Variants in CCL11 observed in about 807,000 individuals in gnomAD.
CCL11 encodes the protein C-C motif chemokine ligand 11.
CCL11 carries 7 observed loss-of-function variants against 7.3 expected under a neutral mutation model. That is an observed-to-expected ratio of 0.96 (90% CI 0.55 to 1.81). The LOEUF (loss-of-function observed/expected upper bound fraction) is 1.81, where lower values mean the gene tolerates loss of function less well. Ranked by LOEUF, CCL11 falls within the 40% of genes most tolerant of loss-of-function variation. CCL11 has a pLI of 0.00. For synonymous variants in CCL11, 66 were observed against 45.2 expected, an observed-to-expected ratio of 1.46 and a Z score of -1.84; for missense variants, 132 against 114.2, an observed-to-expected ratio of 1.16 and a Z score of -0.71.
chr17:34,285,849 C>T lies in CCL11; in HGVS notation c.41C>T (p.Ala14Val). 1 of 1,612,590 alleles carries T rather than the reference C, an allele frequency of 6.2e-7. No individual in the cohort carries two copies. The highest frequency in any genetic ancestry group is 1.1e-5 in the South Asian group (1 of 90,834). The change falls in exon 1 of 3, where the codon GCA (alanine) becomes GTA (valine). Residue 14 changes from alanine (A) to valine (V), a missense_variant. Ala to Val is a moderately conservative substitution (Grantham distance 64). Coordinates refer to ENST00000305869, the MANE Select transcript of CCL11 (RefSeq NM_002986.3). ...SAALLWLLLI[A>V]AAFSPQGLAG... ...GCACTTCTGTGGCTGCTGCTCATAGCAGCTGCCTTCAGCCCCCAGGGGCTC... is the reference window on the plus strand; with the variant it reads ...GCACTTCTGTGGCTGCTGCTCATAGTAGCTGCCTTCAGCCCCCAGGGGCTC...
In CCL11 at chr17:34,287,632, A is replaced by T. The variant is rs751231849; in HGVS notation, c.236A>T (p.Lys79Met). Reference protein sequence around the residue: ...AKDICADPKKKWVQDSMKYLD... With the variant: ...AKDICADPKKMWVQDSMKYLD... ...GATATCTGTGCCGACCCCAAGAAGAAGTGGGTGCAGGATTCCATGAAGTAT... is the reference window on the plus strand; with the variant it reads ...GATATCTGTGCCGACCCCAAGAAGATGTGGGTGCAGGATTCCATGAAGTAT... The change falls in exon 3 of 3, where the codon AAG becomes ATG. Residue 79 changes from lysine (K) to methionine (M), a missense_variant. Physicochemically the swap from Lys to Met is moderately conservative, Grantham distance 95. Transcript: ENST00000305869. The T allele has an allele frequency of 6.2e-7, 1 of 1,614,026 alleles. No individual in the cohort carries two copies. Among genetic ancestry groups the T allele is most frequent in the Non-Finnish European group, 8.5e-7 (1 of 1,179,976 alleles).
chr17:34,287,029 G>C (rs1367278062), intron 1 of CCL11, 67 bp from the exon 2 acceptor site: 7 of 1,035,708 alleles, frequency 6.8e-6, no homozygotes, highest in Middle Eastern at 4.1e-4. Flanking sequence ...AGTCATGCTT[G>C]GAAATGTCTA....
At chr17:34,287,293 T>G (rs1409240134) in intron 2 of CCL11, 86 bp downstream of exon 2, 5 of 950,762 alleles carry the variant, frequency 5.3e-6, no homozygotes, top group Non-Finnish European at 8.4e-6. Flanking sequence ...TTGCTGGGAG[T>G]CATAGACTCT....
At chr17:34,285,975 C>T in intron 1 of CCL11, 91 bp downstream of exon 1, 1 of 844,516 alleles carries the variant, frequency 1.2e-6, no homozygotes, top group South Asian at 1.7e-5. Flanking sequence ...ACTGCAAATT[C>T]TCCATTTGAA....
Position 34,287,597 on chromosome 17 carries a change from A to T in CCL11, c.201A>T (p.Lys67Asn), listed in dbSNP as rs1908674017. 2 of 1,613,382 alleles carry T rather than the reference A, an allele frequency of 1.2e-6. No homozygotes were observed. The highest frequency in any genetic ancestry group is 1.7e-6 in the Non-Finnish European group (2 of 1,179,550). Residue 67 changes from lysine (K) to asparagine (N), a missense_variant, in exon 3 of 3, where the codon AAA becomes AAT. Coordinates refer to ENST00000305869, the MANE Select transcript of CCL11 (RefSeq NM_002986.3). ...CPQKAVIFKT[K>N]LAKDICADPK... ...GTATCTCCCACAGCTTCAAGACCAA[A>T]CTGGCCAAGGATATCTGTGCCGACC...
At chr17:34,286,357 C>G (rs924757733) in intron 1 of CCL11, among the ~76,000 whole-genome samples, 32 of 152,340 alleles carry the variant, frequency 2.1e-4, no homozygotes, top group African/African-American at 6.7e-4. Flanking sequence ...TGTTCCATAA[C>G]TCATTTTCCC....
At chr17:34,287,474 C>T (rs1567648473) in intron 2 of CCL11, 111 bp from the exon 3 acceptor site, 3 of 763,194 alleles carry the variant, frequency 3.9e-6, no homozygotes, top group South Asian at 3.2e-5. Context: ...CATCCTTCCT[C>T]CTCTCCGTAG....
In CCL11 at chr17:34,288,305, C is replaced by G. The variant is rs765800738; in HGVS notation, c.*615C>G. On this transcript the variant is annotated 3_prime_UTR_variant, in exon 3 of 3. Coordinates refer to ENST00000305869, the MANE Select transcript of CCL11 (RefSeq NM_002986.3). ...GGTGAAACTGACAAACCCATTCCAGCCCTCTATTCCCATTTTCAACAGTAT... is the reference window on the plus strand; with the variant it reads ...GGTGAAACTGACAAACCCATTCCAGGCCTCTATTCCCATTTTCAACAGTAT... 4 of 152,266 alleles carry G rather than the reference C, an allele frequency of 2.6e-5. No individual in the cohort carries two copies. The Middle Eastern group carries it at 0.01, about 388-fold the overall frequency. The allele number at this position is 152,266 out of a possible 1,614,324, so 9.4% of individuals were successfully genotyped here.
In CCL11 at chr17:34,285,814, G is replaced by A. The variant is rs758267172; in HGVS notation, c.6G>A (p.Lys2=). 2 of 1,612,006 alleles carry A rather than the reference G, an allele frequency of 1.2e-6. No individual in the cohort carries two copies. Among genetic ancestry groups the A allele is most frequent in the Admixed American group, 3.4e-5 (2 of 59,586 alleles). Residue 2 remains lysine (K), a synonymous_variant, in exon 1 of 3, where the codon AAG becomes AAA. Coordinates refer to ENST00000305869, the MANE Select transcript of CCL11 (RefSeq NM_002986.3). M[K]VSAALLWLLL... ...TCACACCTTCAGCCTCCAACATGAA[G>A]GTCTCCGCAGCACTTCTGTGGCTGC...
In CCL11 at chr17:34,288,317, A is replaced by G. The variant is rs1187297136; in HGVS notation, c.*627A>G. ...AAACCCATTCCAGCCCTCTATTCCC[A>G]TTTTCAACAGTATTTCCCAGACCCC... On this transcript the variant is annotated 3_prime_UTR_variant, in exon 3 of 3. Coordinates refer to ENST00000305869, the MANE Select transcript of CCL11 (RefSeq NM_002986.3). 1 of 152,070 alleles carries G rather than the reference A, an allele frequency of 6.6e-6. No homozygotes were observed. Among genetic ancestry groups the G allele is most frequent in the African/African-American group, 2.4e-5 (1 of 41,382 alleles). The allele number at this position is 152,070 out of a possible 1,614,324, so 9.4% of individuals were successfully genotyped here. A position where few individuals can be genotyped will look rare whatever the true frequency, so the allele number is the denominator to read the frequency against.
chr17:34,287,285 G>C, intron 2 of CCL11, 78 bp downstream of exon 2: 7 of 1,037,774 alleles, frequency 6.7e-6, no homozygotes, highest in Non-Finnish European at 1.0e-5. Flanking sequence ...TGTCACAGTT[G>C]CTGGGAGTCA....
Position 34,288,029 on chromosome 17 carries a change from CA to C in CCL11, c.*340del. ...TTGTAAAGGTCCTGGCAAAGATGATCAGTATGAAAATGTCATTGTTCTTGTG... is the reference window on the plus strand; with the variant it reads ...TTGTAAAGGTCCTGGCAAAGATGATCGTATGAAAATGTCATTGTTCTTGTG... On this transcript the variant is annotated 3_prime_UTR_variant, in exon 3 of 3. Coordinates refer to ENST00000305869, the MANE Select transcript of CCL11 (RefSeq NM_002986.3). 6.4e-6 allele frequency: 1 copy of C among 156,552 alleles called. No individual in the cohort carries two copies. Among genetic ancestry groups the C allele is most frequent in the East Asian group, 1.8e-4 (1 of 5,596 alleles). 9.7% of individuals were successfully genotyped at this position (156,552 alleles called of 1,614,324 possible).
Position 34,285,851 on chromosome 17 carries a change from G to T in CCL11, c.43G>T (p.Ala15Ser). Residue 15 changes from alanine (A) to serine (S), a missense_variant, in exon 1 of 3, where the codon GCT becomes TCT. By Grantham distance (99) the Ala-to-Ser change is moderately conservative. Coordinates refer to ENST00000305869, the MANE Select transcript of CCL11 (RefSeq NM_002986.3). ...AALLWLLLIA[A>S]AFSPQGLAGP... ...ACTTCTGTGGCTGCTGCTCATAGCA[G>T]CTGCCTTCAGCCCCCAGGGGCTCGC... 1.2e-6 allele frequency: 2 copies of T among 1,612,454 alleles called. No homozygotes were observed. The highest frequency in any genetic ancestry group is 1.7e-5 in the Admixed American group (1 of 59,834).
rs1231314263 is a variant in CCL11, at chr17:34,287,938, G to C, written c.*248G>C. 1 of 187,742 alleles carries C rather than the reference G, an allele frequency of 5.3e-6. No individual in the cohort carries two copies. The highest frequency in any genetic ancestry group is 1.1e-5 in the Non-Finnish European group (1 of 93,432). 11.6% of individuals were successfully genotyped at this position (187,742 alleles called of 1,614,324 possible). A position where few individuals can be genotyped will look rare whatever the true frequency, so the allele number is the denominator to read the frequency against. On this transcript the variant is annotated 3_prime_UTR_variant, in exon 3 of 3. Coordinates refer to ENST00000305869, the MANE Select transcript of CCL11 (RefSeq NM_002986.3). ...TGTGCAGATTCTTTACCCCCTGGGA[G>C]CCCCAATTCGATCCCCTGTCACGTG...
In CCL11 at chr17:34,287,661, G is replaced by C; in HGVS notation, c.265G>C (p.Asp89His). 1 of 1,613,426 alleles carries C rather than the reference G, an allele frequency of 6.2e-7. No individual in the cohort carries two copies. The highest frequency in any genetic ancestry group is 8.5e-7 in the Non-Finnish European group (1 of 1,179,626). Residue 89 changes from aspartate to histidine, a missense_variant, in exon 3 of 3, where the codon GAC becomes CAC. Physicochemically the swap from Asp to His is moderately conservative, Grantham distance 81. Coordinates refer to ENST00000305869, the MANE Select transcript of CCL11 (RefSeq NM_002986.3). ...GGTGCAGGATTCCATGAAGTATCTG[G>C]ACCAAAAATCTCCAACTCCAAAGCC... Reference protein sequence around the residue: ...KWVQDSMKYLDQKSPTPKP With the variant: ...KWVQDSMKYLHQKSPTPKP
At chr17:34,287,071 T>C (rs1456228840) in intron 1 of CCL11, 25 bp from the exon 2 acceptor site, 2 of 1,510,796 alleles carry the variant, frequency 1.3e-6, no homozygotes, top group South Asian at 1.1e-5. Flanking sequence ...TTTTTCTCTG[T>C]TCATTTTTTT....
At chr17:34,285,937 C>A in intron 1 of CCL11, 53 bp downstream of exon 1, 1 of 1,233,770 alleles carries the variant, frequency 8.1e-7, no homozygotes. Context: ...TCCAGAGCTA[C>A]TAGGTCAGCA....
At chr17:34,287,047 T>C (rs199528980) in intron 1 of CCL11, 49 bp from the exon 2 acceptor site, 27 of 1,232,522 alleles carry the variant, frequency 2.2e-5, no homozygotes, top group Non-Finnish European at 3.1e-5. Flanking sequence ...CTATGTATCA[T>C]CATGTGGCTC....
At chr17:34,287,058 ATT>A (rs746191397) in intron 1 of CCL11, 36 bp from the exon 2 acceptor site, 28 of 1,413,034 alleles carry the variant, frequency 2.0e-5, no homozygotes, top group Non-Finnish European at 2.6e-5. Flanking sequence ...CATGTGGCTC[ATT>A]TTTTTCTCTG....
Sources: allele counts gnomAD v4.1 joint callset (sites outside exome capture counted in the v4.1 genomes callset), GRCh38; gene constraint gnomAD v4.1.1; transcripts MANE v1.5; gene names NCBI Gene and HGNC (gene_info 2026-07-23, HGNC 2026-07-21).